The following TBL1X variants were observed in gnomAD, a reference collection of about 807,000 sequenced individuals.
TBL1X encodes the protein transducin beta like 1 X-linked.
A neutral mutation model predicts 50.7 loss-of-function variants in TBL1X; 10 were observed. That is an observed-to-expected ratio of 0.20 (90% CI 0.12 to 0.33). The LOEUF (loss-of-function observed/expected upper bound fraction) is 0.33. Ranked by LOEUF, TBL1X falls within the 10% of genes least tolerant of loss-of-function variation. The pLI is 1.00. For synonymous variants in TBL1X, 190 were observed against 214.7 expected (o/e 0.88, Z 1.01); for missense variants, 340 against 504.4 (o/e 0.67, Z 3.12).
At chrX:9,491,309 TATATATA>T (rs2081940678) in intron 1 of TBL1X, among the ~76,000 whole-genome samples, 1 of 29,333 alleles carries the variant, frequency 3.4e-5, no homozygotes, top group African/African-American at 1.1e-4. Flanking sequence ...AGTATATTTA[TATATATA>T]TATATATATA....
At chrX:9,647,789 T>A (rs1257160084) in intron 3 of TBL1X, among the ~76,000 whole-genome samples, 1 of 111,321 alleles carries the variant, frequency 9.0e-6, no homozygotes, top group African/African-American at 3.3e-5. Flanking sequence ...CTGCTTGACA[T>A]TGCTGATGAG....
chrX:9,609,170 A>C (rs2146556627), intron 2 of TBL1X, among the ~76,000 whole-genome samples: 1 of 112,263 alleles, frequency 8.9e-6, no homozygotes, highest in South Asian at 3.7e-4. Flanking sequence ...AGGAAGTATT[A>C]GTAATTATTC....
At chrX:9,532,005 G>A (rs996106885) in intron 2 of TBL1X, among the ~76,000 whole-genome samples, 3 of 111,641 alleles carry the variant, frequency 2.7e-5, no homozygotes, top group African/African-American at 9.8e-5. Flanking sequence ...CAAAGTGCTG[G>A]GATTACAGGT....
chrX:9,508,502 G>A (rs1260056323), intron 2 of TBL1X, among the ~76,000 whole-genome samples: 1 of 112,375 alleles, frequency 8.9e-6, no homozygotes, highest in Non-Finnish European at 1.9e-5. Flanking sequence ...ATGTAAATTA[G>A]TTCAACCATT....
At chrX:9,699,303 C>T (rs572004546) in intron 12 of TBL1X, among the ~76,000 whole-genome samples, 1 of 111,850 alleles carries the variant, frequency 8.9e-6, no homozygotes, top group South Asian at 3.8e-4. Context: ...TGATGTTAGA[C>T]GTGGCCTCTT....
In TBL1X at chrX:9,492,838, GGTGTGTGTGTGTGTGT is replaced by G. The variant is rs774050435; in HGVS notation, c.-200-8897_-200-8882del. On this transcript the variant is annotated intron_variant, in intron 1 of 17. Transcript: ENST00000645353. ...AATATTGTTGAGATTGGGGCTAGAG[GGTGTGTGTGTGTGTGT>G]GTGTGTGTGTGTGTGTGTGTGTGTG... 8.8e-5 allele frequency among the ~76,000 whole-genome samples: 5 copies of G among 57,002 alleles called. No individual in the cohort carries two copies. In the South Asian group the frequency reaches 3.7e-3, roughly 42 times the overall value. 49.5% of individuals were successfully genotyped at this position (57,002 alleles called of 115,157 possible). A position where few individuals can be genotyped will look rare whatever the true frequency, so the allele number is the denominator to read the frequency against.
intron 3 of TBL1X, among the ~76,000 whole-genome samples, chrX:9,640,689 G>A (rs2082771292): frequency 9.0e-6 from 1 of 111,237 alleles, no homozygotes; most frequent in African/African-American, 3.3e-5. Flanking sequence ...GGAGTGCAGT[G>A]GTGCAATCTC....
At chrX:9,697,634 G>A (rs183060988) in intron 12 of TBL1X, among the ~76,000 whole-genome samples, 90 of 111,929 alleles carry the variant, frequency 8.0e-4, no homozygotes, top group African/African-American at 2.8e-3. Context: ...AGCCAGGCGT[G>A]GTGGTCCACA....
chrX:9,701,225 G>T (rs1298066228), intron 12 of TBL1X, among the ~76,000 whole-genome samples: 1 of 111,502 alleles, frequency 9.0e-6, no homozygotes, highest in African/African-American at 3.3e-5. Flanking sequence ...GGACCTCTCT[G>T]TGTTACCTTT....
intron 7 of TBL1X, 124 bp from the exon 8 acceptor site, chrX:9,691,452 AAAG>A: frequency 1.4e-6 from 1 of 715,863 alleles, no homozygotes; most frequent in Non-Finnish European, 1.9e-6. Flanking sequence ...AAAAAAAAAA[AAAG>A]AAAAGGAATC....
intron 1 of TBL1X, among the ~76,000 whole-genome samples, chrX:9,480,503 A>G (rs1193774276): frequency 8.9e-6 from 1 of 111,927 alleles, no homozygotes; most frequent in Non-Finnish European, 1.9e-5. Flanking sequence ...TAGGTTGAAT[A>G]TTTTTTGTTT....
At chrX:9,472,992 G>T (rs1434109146) in intron 1 of TBL1X, among the ~76,000 whole-genome samples, 6 of 111,497 alleles carry the variant, frequency 5.4e-5, no homozygotes, top group African/African-American at 9.8e-5. Context: ...GGTGCACTGT[G>T]GGTAATTGGG....
At chrX:9,583,611 A>G (rs1440159928) in intron 2 of TBL1X, among the ~76,000 whole-genome samples, 1 of 112,411 alleles carries the variant, frequency 8.9e-6, no homozygotes. Context: ...GAATGCTTAT[A>G]GGAGCCAGTG....
chrX:9,534,434 G>A (rs1022719047), intron 2 of TBL1X, among the ~76,000 whole-genome samples: 3 of 110,690 alleles, frequency 2.7e-5, no homozygotes, highest in African/African-American at 9.9e-5. Flanking sequence ...GTATTTCAGT[G>A]TGGCTTATAT....
intron 2 of TBL1X, among the ~76,000 whole-genome samples, chrX:9,528,500 A>G (rs1280553591): frequency 2.7e-5 from 3 of 110,131 alleles, no homozygotes; most frequent in Non-Finnish European, 5.7e-5. Context: ...CGACTGTCAG[A>G]TGAAGAGGGA....
rs112196567 is a variant in TBL1X, at chrX:9,661,700, C to T, written c.211+7378C>T. 1.0e-3 allele frequency among the ~76,000 whole-genome samples: 116 copies of T among 111,141 alleles called. 1 individual carries two copies. Among genetic ancestry groups the T allele is most frequent in the African/African-American group, 3.4e-3 (104 of 30,602 alleles). On this transcript the variant is annotated intron_variant, in intron 5 of 17. Coordinates refer to ENST00000645353, the MANE Select transcript of TBL1X (RefSeq NM_005647.4). Reference sequence around the variant, plus strand: ...CACAGAGATAAAAGGCTGTGCTGAGCGCCCACCAACACGCAGCGAGGTTAT... The same window carrying T: ...CACAGAGATAAAAGGCTGTGCTGAGTGCCCACCAACACGCAGCGAGGTTAT...
intron 13 of TBL1X, among the ~76,000 whole-genome samples, chrX:9,706,274 G>GA (rs1217435096): frequency 3.6e-5 from 4 of 110,842 alleles, no homozygotes; most frequent in Non-Finnish European, 7.5e-5. Flanking sequence ...ATAAAAGATC[G>GA]AAAAAATGCA....
At chrX:9,627,823 C>T (rs950152401) in intron 2 of TBL1X, among the ~76,000 whole-genome samples, 10 of 112,207 alleles carry the variant, frequency 8.9e-5, no homozygotes, top group African/African-American at 3.2e-4. Context: ...GTGAAGCCAG[C>T]CTAGATTGTT....
At position 9,488,952 on chromosome X, in the gene TBL1X, C is replaced by T. The variant is rs547578947; in HGVS notation, c.-200-12828C>T. On this transcript the variant is annotated intron_variant, in intron 1 of 17. Transcript: ENST00000645353. ...CCTCCCTCCTTGGCCTCCCAAAGTG[C>T]TGGGATTGCAGGTTTGAGCCACCAT... 4.1e-4 allele frequency among the ~76,000 whole-genome samples: 46 copies of T among 111,290 alleles called. 2 individuals are homozygous for T. The South Asian group carries it at 0.017, about 42-fold the overall frequency.
Sources: gnomAD v4.1 joint callset for allele counts (sites outside exome capture counted in the v4.1 genomes callset) on GRCh38, gnomAD v4.1.1 for gene constraint, MANE v1.5 for transcripts, NCBI Gene and HGNC (gene_info 2026-07-23, HGNC 2026-07-21) for gene names.